The following FLVCR2 variants were observed in gnomAD, a reference collection of about 807,000 sequenced individuals.
FLVCR2 encodes FLVCR choline and putative heme transporter 2.
FLVCR2 carries 38 observed loss-of-function variants against 48.9 expected under a neutral mutation model. The observed-to-expected ratio is 0.78, with a 90% CI of 0.60 to 1.02. The LOEUF is 1.02. FLVCR2 is among the 50% of genes least tolerant of loss of function. FLVCR2 has a pLI of 0.00. For synonymous variants in FLVCR2, 255 were observed against 257.0 expected, an observed-to-expected ratio of 0.99 and a Z score of 0.07; for missense variants, 664 against 663.3, an observed-to-expected ratio of 1.00 and a Z score of -0.01.
rs139858307 is a variant in FLVCR2, at chr14:75,608,481, C to G, written c.670-13598C>G. 3.0e-3 allele frequency among the ~76,000 whole-genome samples: 456 copies of G among 152,272 alleles called. 1 individual carries two copies. Among genetic ancestry groups the G allele is most frequent in the African/African-American group, 0.011 (445 of 41,550 alleles). On this transcript the variant is annotated intron_variant, in intron 1 of 9. Transcript: ENST00000238667. ...ATGTGCCTAAGATGGTTCCTCTCTTCAGTGTAGGAAAATGGCTGTGGTGGC... is the reference window on the plus strand; with the variant it reads ...ATGTGCCTAAGATGGTTCCTCTCTTGAGTGTAGGAAAATGGCTGTGGTGGC...
At chr14:75,634,455 G>C (rs991598910) in intron 4 of FLVCR2, among the ~76,000 whole-genome samples, 1 of 152,256 alleles carries the variant, frequency 6.6e-6, no homozygotes, top group East Asian at 1.9e-4. Context: ...CTTAGGCATG[G>C]TGCCTGGCTT....
chr14:75,592,726 T>C (rs10139185), intron 1 of FLVCR2, among the ~76,000 whole-genome samples: 61,186 of 152,046 alleles, frequency 0.4, 14,699 homozygotes, highest in East Asian at 0.65. Flanking sequence ...TGGTGGCTCA[T>C]GCCTGTAATC....
intron 1 of FLVCR2, among the ~76,000 whole-genome samples, chr14:75,596,929 C>G (rs1889037839): frequency 2.6e-5 from 4 of 152,028 alleles, no homozygotes. Flanking sequence ...ATGCTGGTAA[C>G]TAATTCATTT....
At chr14:75,641,491 A>G (rs1890308203) in intron 8 of FLVCR2, among the ~76,000 whole-genome samples, 198 bp downstream of exon 8, 2 of 152,236 alleles carry the variant, frequency 1.3e-5, no homozygotes, top group African/African-American at 4.8e-5. Context: ...TTGGAATCCC[A>G]GACTGTGACA....
At chr14:75,598,239 G>C (rs2140015267) in intron 1 of FLVCR2, among the ~76,000 whole-genome samples, 1 of 152,204 alleles carries the variant, frequency 6.6e-6, no homozygotes, top group South Asian at 2.1e-4. Context: ...GCAGAGGCTG[G>C]GCTGAGGCTC....
intron 3 of FLVCR2, 25 bp from the exon 4 acceptor site, chr14:75,633,601 ATGT>A: frequency 6.3e-7 from 1 of 1,591,926 alleles, no homozygotes; most frequent in Non-Finnish European, 8.6e-7. Flanking sequence ...GCTGACCCTA[ATGT>A]TGTATTTCTC....
At chr14:75,617,730 T>A (rs1372959335) in intron 1 of FLVCR2, among the ~76,000 whole-genome samples, 1 of 152,242 alleles carries the variant, frequency 6.6e-6, no homozygotes, top group Admixed American at 6.5e-5. Flanking sequence ...TGTGCCAGCC[T>A]GCAGAGATCA....
chr14:75,601,838 T>C (rs1889174015), intron 1 of FLVCR2, among the ~76,000 whole-genome samples: 1 of 152,194 alleles, frequency 6.6e-6, no homozygotes, highest in Non-Finnish European at 1.5e-5. Context: ...TGTGTGTATA[T>C]ATATGTACAG....
chr14:75,590,649 T>C (rs770572265), intron 1 of FLVCR2, among the ~76,000 whole-genome samples: 1 of 152,124 alleles, frequency 6.6e-6, no homozygotes, highest in Non-Finnish European at 1.5e-5. Flanking sequence ...TCAGTTCTTA[T>C]GAGATATGGT....
chr14:75,610,757 C>T (rs184895607), intron 1 of FLVCR2, among the ~76,000 whole-genome samples: 1 of 151,888 alleles, frequency 6.6e-6, no homozygotes, highest in African/African-American at 2.4e-5. Flanking sequence ...GTTGATTGGT[C>T]TGCATTCGAA....
At chr14:75,609,897 G>A (rs77266378) in intron 1 of FLVCR2, among the ~76,000 whole-genome samples, 3,695 of 149,424 alleles carry the variant, frequency 0.025, 57 homozygotes, top group Middle Eastern at 0.079. Context: ...CTTTGAGTTG[G>A]GGGGGATAGA....
Position 75,619,129 on chromosome 14 carries a change from T to G in FLVCR2, c.670-2950T>G, listed in dbSNP as rs189015911. Among the ~76,000 whole-genome samples the G allele has an allele frequency of 7.7e-3, 1,170 of 151,874 alleles. 20 individuals are homozygous for G. The highest frequency in any genetic ancestry group is 0.027 in the African/African-American group (1,108 of 41,390). On this transcript the variant is annotated intron_variant, in intron 1 of 9. Coordinates refer to ENST00000238667, the MANE Select transcript of FLVCR2 (RefSeq NM_017791.3). Reference sequence around the variant, plus strand: ...ATCCCAGCTACTTGGGAGGCTGAGGTAGGAGAATCACTTGAACCTGGGAGG... The same window carrying G: ...ATCCCAGCTACTTGGGAGGCTGAGGGAGGAGAATCACTTGAACCTGGGAGG...
chr14:75,632,926 G>C (rs1313332644), intron 3 of FLVCR2: 11 of 702,384 alleles, frequency 1.6e-5, no homozygotes, highest in Non-Finnish European at 2.6e-5. Context: ...CCATTGAAGG[G>C]AGGCCAGGAG....
chr14:75,642,054 T>C (rs1890317630), intron 9 of FLVCR2, 156 bp downstream of exon 9: 2 of 691,388 alleles, frequency 2.9e-6, no homozygotes, highest in African/African-American at 1.8e-5. Context: ...CCTAAGACTT[T>C]CCTCAGTGGG....
intron 1 of FLVCR2, among the ~76,000 whole-genome samples, chr14:75,586,606 T>A (rs776388627): frequency 6.6e-6 from 1 of 152,098 alleles, no homozygotes; most frequent in Non-Finnish European, 1.5e-5. Context: ...TTTACAAAAC[T>A]TCTCTAAAGG....
intron 8 of FLVCR2, 34 bp downstream of exon 8, chr14:75,641,327 G>C (rs374985684): frequency 7.3e-6 from 11 of 1,507,974 alleles, no homozygotes; most frequent in Middle Eastern, 1.7e-4. Context: ...ATGAGGCTCA[G>C]GTTGGCCATT....
At chr14:75,637,491 C>T (rs961176689) in intron 5 of FLVCR2, among the ~76,000 whole-genome samples, 6 of 152,032 alleles carry the variant, frequency 3.9e-5, no homozygotes, top group Non-Finnish European at 7.4e-5. Flanking sequence ...CTTTGGGAGG[C>T]GGAGGCGGGC....
chr14:75,627,223 T>A (rs1889921842), intron 3 of FLVCR2, among the ~76,000 whole-genome samples: 1 of 151,980 alleles, frequency 6.6e-6, no homozygotes, highest in African/African-American at 2.4e-5. Flanking sequence ...TTTCCTTATC[T>A]ATTTGATTAA....
chr14:75,617,479 T>A (rs1889646311), intron 1 of FLVCR2, among the ~76,000 whole-genome samples: 1 of 152,206 alleles, frequency 6.6e-6, no homozygotes, highest in South Asian at 2.1e-4. Flanking sequence ...TTAAACACCC[T>A]CTATTGGGAT....
Sources: allele counts gnomAD v4.1 joint callset (sites outside exome capture counted in the v4.1 genomes callset), GRCh38; gene constraint gnomAD v4.1.1; transcripts MANE v1.5; gene names NCBI Gene and HGNC (gene_info 2026-07-23, HGNC 2026-07-21).